The following L2HGDH variants were observed in gnomAD, a reference collection of about 807,000 sequenced individuals.
L2HGDH encodes L-2-hydroxyglutarate dehydrogenase, mitochondrial.
In L2HGDH, 34 loss-of-function variants were observed where a neutral mutation model predicts 51.5. The ratio of observed to expected loss-of-function variants is 0.66; its 90% CI spans 0.50 to 0.88. L2HGDH has a LOEUF of 0.88. Ranked by LOEUF, L2HGDH falls within the 40% of genes least tolerant of loss-of-function variation. L2HGDH has a pLI of 0.00. For missense variants in L2HGDH, 558 were observed against 571.9 expected (o/e 0.98, Z 0.25); for synonymous variants, 198 against 197.9 (o/e 1.00, Z -0.01).
At chr14:50,285,882 T>C (rs1478634314) in intron 4 of L2HGDH, among the ~76,000 whole-genome samples, 1 of 152,204 alleles carries the variant, frequency 6.6e-6, no homozygotes, top group African/African-American at 2.4e-5. Flanking sequence ...GTCTTGGCCT[T>C]TCCTCTCCTC....
At chr14:50,291,221 AAAAC>A (rs1566531249) in intron 4 of L2HGDH, among the ~76,000 whole-genome samples, 2 of 151,172 alleles carry the variant, frequency 1.3e-5, no homozygotes, top group Non-Finnish European at 3.0e-5. Flanking sequence ...AAAAAAAAAA[AAAAC>A]AAACAAAAAA....
chr14:50,266,313 A>G (rs1228656260), intron 8 of L2HGDH, among the ~76,000 whole-genome samples: 1 of 152,102 alleles, frequency 6.6e-6, no homozygotes, highest in African/African-American at 2.4e-5. Flanking sequence ...TGGGACATCT[A>G]CCCTAGATTT....
At chr14:50,265,013 A>G (rs1889259844) in intron 9 of L2HGDH, among the ~76,000 whole-genome samples, 1 of 152,262 alleles carries the variant, frequency 6.6e-6, no homozygotes, top group Non-Finnish European at 1.5e-5. Flanking sequence ...CTAACTGGCC[A>G]GAGAGATTTT....
intron 6 of L2HGDH, among the ~76,000 whole-genome samples, chr14:50,278,250 G>C (rs910368034): frequency 6.6e-6 from 1 of 152,154 alleles, no homozygotes; most frequent in African/African-American, 2.4e-5. Flanking sequence ...TCAGTAGATA[G>C]AGTGATAAAA....
intron 8 of L2HGDH, 62 bp from the exon 9 acceptor site, chr14:50,265,551 T>G (rs112436893): frequency 1.9e-5 from 25 of 1,338,914 alleles, no homozygotes; most frequent in African/African-American, 1.5e-4. Context: ...TAAAATACCT[T>G]TATAATTATT....
At chr14:50,306,373 A>G (rs1401413771) in intron 1 of L2HGDH, among the ~76,000 whole-genome samples, 4 of 151,884 alleles carry the variant, frequency 2.6e-5, no homozygotes, top group Admixed American at 6.6e-5. Context: ...TATCAAGTTG[A>G]TATCTATATC....
intron 9 of L2HGDH, among the ~76,000 whole-genome samples, chr14:50,260,933 T>C (rs1450323080): frequency 2.0e-5 from 3 of 151,980 alleles, no homozygotes; most frequent in African/African-American, 4.8e-5. Flanking sequence ...CAGGCCAACA[T>C]GGTGAAACCC....
chr14:50,294,271 C>T, intron 3 of L2HGDH, 25 bp from the exon 4 acceptor site: 2 of 1,604,902 alleles, frequency 1.2e-6, no homozygotes, highest in Non-Finnish European at 1.7e-6. Context: ...AGGTAAGGAG[C>T]ATGGATAGAG....
At chr14:50,283,303 CT>C (rs760633503) in intron 5 of L2HGDH, among the ~76,000 whole-genome samples, 1 of 152,114 alleles carries the variant, frequency 6.6e-6, no homozygotes, top group East Asian at 1.9e-4. Context: ...CATAAACAGC[CT>C]TGGCAGTTCA....
Position 50,297,697 on chromosome 14 carries a change from A to T in L2HGDH, c.409-3451T>A, listed in dbSNP as rs191550142. Among the ~76,000 whole-genome samples the T allele has an allele frequency of 4.1e-3, 629 of 152,328 alleles. 3 individuals carry two copies. The highest frequency in any genetic ancestry group is 0.014 in the African/African-American group (596 of 41,584). ...AAAACAGGTCTTTAAAATTTTTTTT[A>T]AATGAAATTATATCAAGTATATTCT... On this transcript the variant is annotated intron_variant, in intron 3 of 9. Transcript: ENST00000267436.
chr14:50,285,211 C>T (rs989607438), intron 4 of L2HGDH, among the ~76,000 whole-genome samples: 17 of 152,172 alleles, frequency 1.1e-4, no homozygotes, highest in South Asian at 2.1e-4. Context: ...GATGCCACTG[C>T]GCTCCAGCCT....
chr14:50,266,143 CAAAA>C (rs34597714), intron 8 of L2HGDH, among the ~76,000 whole-genome samples: 4 of 136,922 alleles, frequency 2.9e-5, no homozygotes, highest in Non-Finnish European at 4.7e-5. Flanking sequence ...AACTTTGACT[CAAAA>C]AAAAAAAAAA....
At chr14:50,283,395 C>T (rs891210293) in intron 5 of L2HGDH, among the ~76,000 whole-genome samples, 3 of 152,172 alleles carry the variant, frequency 2.0e-5, no homozygotes, top group Non-Finnish European at 2.9e-5. Context: ...AGTTCTCTCA[C>T]ATTCAGTCTG....
At chr14:50,269,021 C>A in intron 7 of L2HGDH, 142 bp downstream of exon 7, 2 of 618,056 alleles carry the variant, frequency 3.2e-6, no homozygotes, top group Non-Finnish European at 2.9e-6. Context: ...GGGATTTAAC[C>A]ACAAGAGAAA....
At chr14:50,294,087 TA>T in intron 4 of L2HGDH, 27 bp downstream of exon 4, 1 of 1,612,614 alleles carries the variant, frequency 6.2e-7, no homozygotes, top group Middle Eastern at 1.7e-4. Flanking sequence ...AAGCCCTAAA[TA>T]AAAACATCCC....
At chr14:50,249,019 G>A in intron 9 of L2HGDH, among the ~76,000 whole-genome samples, 1 of 152,152 alleles carries the variant, frequency 6.6e-6, no homozygotes, top group Non-Finnish European at 1.5e-5. Context: ...TACAGTGGCT[G>A]GGGGCCTTTA....
At chr14:50,254,418 G>C (rs1888539430) in intron 9 of L2HGDH, among the ~76,000 whole-genome samples, 1 of 151,998 alleles carries the variant, frequency 6.6e-6, no homozygotes, top group Non-Finnish European at 1.5e-5. Flanking sequence ...GAAACTTCTT[G>C]GGGTAGAGAC....
At chr14:50,269,011 G>C (rs1376256409) in intron 7 of L2HGDH, 152 bp downstream of exon 7, 1 of 608,288 alleles carries the variant, frequency 1.6e-6, no homozygotes, top group Non-Finnish European at 3.0e-6. Context: ...TAAAGATTTA[G>C]GGATTTAACC....
At chr14:50,293,523 C>T (rs2139191227) in intron 4 of L2HGDH, among the ~76,000 whole-genome samples, 1 of 151,884 alleles carries the variant, frequency 6.6e-6, no homozygotes, top group South Asian at 2.1e-4. Context: ...AAAACACTAA[C>T]CATAAAAAAA....
Sources: allele counts gnomAD v4.1 joint callset (sites outside exome capture counted in the v4.1 genomes callset), GRCh38; gene constraint gnomAD v4.1.1; transcripts MANE v1.5; gene names NCBI Gene and HGNC (gene_info 2026-07-23, HGNC 2026-07-21).